The following SP3 variants were observed in gnomAD, a reference collection of about 807,000 sequenced individuals.
SP3 encodes the protein Sp3 transcription factor.
In SP3, 10 loss-of-function variants were observed where a neutral mutation model predicts 70.3. That is an observed-to-expected ratio of 0.14 (90% confidence interval 0.09 to 0.24). The LOEUF (loss-of-function observed/expected upper bound fraction) is 0.24, where lower values mean the gene tolerates loss of function less well. Ranked by LOEUF, SP3 falls within the 10% of genes least tolerant of loss-of-function variation. SP3 has a pLI of 1.00. For missense variants in SP3, 825 were observed against 914.6 expected (o/e 0.90, Z 1.26); for synonymous variants, 402 against 333.5 (o/e 1.21, Z -2.24).
intron 4 of SP3, among the ~76,000 whole-genome samples, chr2:173,937,815 T>C (rs546342561): frequency 6.6e-6 from 1 of 152,280 alleles, no homozygotes; most frequent in South Asian, 2.1e-4. Context: ...ATTTCATGTA[T>C]AACCCAAACT....
At chr2:173,961,935 GTTTTT>G (rs536537799) in intron 3 of SP3, among the ~76,000 whole-genome samples, 28 of 81,020 alleles carry the variant, frequency 3.5e-4, no homozygotes, top group East Asian at 7.8e-4. Flanking sequence ...TATGGTTTGG[GTTTTT>G]TTTTTTTTTT....
At chr2:173,946,279 G>C (rs1462857292) in intron 4 of SP3, among the ~76,000 whole-genome samples, 1 of 151,766 alleles carries the variant, frequency 6.6e-6, no homozygotes, top group East Asian at 1.9e-4. Flanking sequence ...GTGTACTTTT[G>C]AAATTTTTTA....
At chr2:173,961,941 T>TG (rs200613024) in intron 3 of SP3, among the ~76,000 whole-genome samples, 42,374 of 118,836 alleles carry the variant, frequency 0.36, 6,013 homozygotes, top group East Asian at 0.56. Context: ...TTGGGTTTTT[T>TG]TTTTTTTTTT....
chr2:173,963,712 G>A (rs1325668338), intron 3 of SP3, 49 bp downstream of exon 3: 12 of 765,696 alleles, frequency 1.6e-5, no homozygotes, highest in Non-Finnish European at 1.8e-5. Flanking sequence ...ACGGGTCCGG[G>A]ATGGCGGGCG....
intron 4 of SP3, among the ~76,000 whole-genome samples, chr2:173,932,568 G>C (rs555489582): frequency 6.6e-6 from 1 of 152,172 alleles, no homozygotes; most frequent in African/African-American, 2.4e-5. Flanking sequence ...GCTGGTCGTT[G>C]CAACAGTCAG....
In SP3 at chr2:173,945,872, T is replaced by C. The variant is rs111728437; in HGVS notation, c.1639+9001A>G. The stretch of plus-strand genomic sequence containing the variant: ...TCAGGCCTGGTGGCTCATGCCTTAA[T>C]CCCAGCACTTTACGAGGCTGATGTG... On this transcript the variant is annotated intron_variant, in intron 4 of 6. Transcript: ENST00000310015. 9.5e-3 allele frequency among the ~76,000 whole-genome samples: 1,452 copies of C among 152,280 alleles called. 27 individuals are homozygous for C. Among genetic ancestry groups the C allele is most frequent in the African/African-American group, 0.033 (1,373 of 41,550 alleles).
At chr2:173,922,748 G>A (rs1339676894) in intron 4 of SP3, among the ~76,000 whole-genome samples, 1 of 152,144 alleles carries the variant, frequency 6.6e-6, no homozygotes, top group Non-Finnish European at 1.5e-5. Flanking sequence ...AATGATCCTT[G>A]GATATAACAT....
At chr2:173,934,345 T>C (rs1185113290) in intron 4 of SP3, among the ~76,000 whole-genome samples, 1 of 152,212 alleles carries the variant, frequency 6.6e-6, no homozygotes, top group African/African-American at 2.4e-5. Context: ...TCAAGTACTT[T>C]AAATCCTCTT....
Position 173,907,491 on chromosome 2 carries a change from A to C in SP3, c.*2450T>G, listed in dbSNP as rs887012931. The C allele has an allele frequency of 6.6e-6, 1 of 152,130 alleles. No homozygotes were observed. Among genetic ancestry groups the C allele is most frequent in the African/African-American group, 2.4e-5 (1 of 41,444 alleles). 9.4% of individuals were successfully genotyped at this position (152,130 alleles called of 1,614,324 possible). ...GTTCACTAATATATTCCTAGGGGGC[A>C]CTAAAAAAATCTACAACTTTATTTA... On this transcript the variant is annotated 3_prime_UTR_variant, in exon 7 of 7. Transcript: ENST00000310015.
chr2:173,950,820 G>C (rs993866774), intron 4 of SP3, among the ~76,000 whole-genome samples: 8 of 152,278 alleles, frequency 5.3e-5, no homozygotes, highest in African/African-American at 1.9e-4. Context: ...CAATTAGAAA[G>C]ATAGTATACC....
intron 4 of SP3, among the ~76,000 whole-genome samples, chr2:173,946,120 C>T (rs764335402): frequency 6.6e-6 from 1 of 151,590 alleles, no homozygotes; most frequent in Non-Finnish European, 1.5e-5. Flanking sequence ...GAGCAAGATA[C>T]GGTCTCAAAA....
rs765788278 is a variant in SP3 at position 173,905,546 on chromosome 2, A to C, written c.*4395T>G. 2.0e-5 allele frequency among the ~76,000 whole-genome samples: 3 copies of C among 152,210 alleles called. No homozygotes were observed. The highest frequency in any genetic ancestry group is 1.3e-4 in the Admixed American group (2 of 15,280). On this transcript the variant is annotated 3_prime_UTR_variant, in exon 7 of 7. Coordinates refer to ENST00000310015, the MANE Select transcript of SP3 (RefSeq NM_003111.5). ...TCAGGATATCATTCTTAACATCAAAAACTGTATCTTAAACGTATTTAATAC... is the reference window on the plus strand; with the variant it reads ...TCAGGATATCATTCTTAACATCAAACACTGTATCTTAAACGTATTTAATAC...
rs1399305744 is a variant in SP3, at chr2:173,955,896, T to C, written c.616A>G (p.Ile206Val). ...AAGGTTTGATTAGAGCCAGGAATGATCTGAATTTGACTGCTTTCTTGATTT... is the reference window on the plus strand; with the variant it reads ...AAGGTTTGATTAGAGCCAGGAATGACCTGAATTTGACTGCTTTCTTGATTT... ...GINQESSQIQIIPGSNQTLLA... is the reference protein window; with the variant it reads ...GINQESSQIQVIPGSNQTLLA... Residue 206 changes from isoleucine (I) to valine (V), a missense_variant, in exon 4 of 7, where the codon ATC becomes GTC. By Grantham distance (29) the Ile-to-Val change is conservative. Coordinates refer to ENST00000310015, the MANE Select transcript of SP3 (RefSeq NM_003111.5). 6.2e-7 allele frequency: 1 copy of C among 1,614,186 alleles called. No homozygotes were observed. The highest frequency in any genetic ancestry group is 1.7e-5 in the Admixed American group (1 of 60,034).
Position 173,939,764 on chromosome 2 carries a change from C to CAAA in SP3, c.1639+15106_1639+15108dup, listed in dbSNP as rs3045251. 1.3e-3 allele frequency among the ~76,000 whole-genome samples: 92 copies of CAAA among 70,202 alleles called. 10 individuals are homozygous for CAAA. Among genetic ancestry groups the CAAA allele is most frequent in the African/African-American group, 5.4e-3 (79 of 14,550 alleles). 46.1% of individuals were successfully genotyped at this position (70,202 alleles called of 152,430 possible). On this transcript the variant is annotated intron_variant, in intron 4 of 6. Coordinates refer to ENST00000310015, the MANE Select transcript of SP3 (RefSeq NM_003111.5). Reference sequence around the variant, plus strand: ...TGAGCAACAGAGCAAGACTCCAACTCAAAAAAAAAAAAAAAAAAGTTACAC... The same window carrying CAAA: ...TGAGCAACAGAGCAAGACTCCAACTCAAAAAAAAAAAAAAAAAAAAAGTTACAC...
At chr2:173,949,781 T>C (rs565339199) in intron 4 of SP3, among the ~76,000 whole-genome samples, 40 of 152,334 alleles carry the variant, frequency 2.6e-4, no homozygotes, top group Non-Finnish European at 5.1e-4. Flanking sequence ...CATTAAGTTG[T>C]TTGCTTTTAA....
At position 173,902,559 on chromosome 2, in the gene SP3, G is replaced by C. The variant is rs1689209824; in HGVS notation, c.*7382C>G. Among the ~76,000 whole-genome samples the C allele has an allele frequency of 6.6e-6, 1 of 152,116 alleles. No individual in the cohort carries two copies. Among genetic ancestry groups the C allele is most frequent in the African/African-American group, 2.4e-5 (1 of 41,412 alleles). On this transcript the variant is annotated 3_prime_UTR_variant, in exon 7 of 7. Coordinates refer to ENST00000310015, the MANE Select transcript of SP3 (RefSeq NM_003111.5). ...CAGCATTGTTTATAAGTCAAAAATT[G>C]GAAATAACTGAGATGCTCATCAAGA...
At chr2:173,924,060 A>G (rs541550853) in intron 4 of SP3, among the ~76,000 whole-genome samples, 1 of 152,200 alleles carries the variant, frequency 6.6e-6, no homozygotes, top group Admixed American at 6.5e-5. Context: ...TTTTAAAACT[A>G]AATGTTATCC....
chr2:173,914,006 A>C (rs1052432339), intron 5 of SP3: 3 of 152,204 alleles, frequency 2.0e-5, no homozygotes, highest in African/African-American at 7.2e-5. Flanking sequence ...GACATTTATT[A>C]CATTTCAGTA....
intron 4 of SP3, among the ~76,000 whole-genome samples, chr2:173,926,401 G>A (rs758517414): frequency 1.1e-4 from 17 of 151,912 alleles, no homozygotes; most frequent in Admixed American, 7.9e-4. Context: ...TTTCTTCCAG[G>A]TTCTATGTAT....
Sources: allele counts gnomAD v4.1 joint callset (sites outside exome capture counted in the v4.1 genomes callset), GRCh38; gene constraint gnomAD v4.1.1; transcripts MANE v1.5; gene names NCBI Gene and HGNC (gene_info 2026-07-23, HGNC 2026-07-21).